The following ADCY4 variants were observed in gnomAD, a reference collection of about 807,000 sequenced individuals.
The protein encoded by ADCY4 is adenylate cyclase 4, also known as adenylate cyclase type 4.
Under a neutral mutation model 125.5 loss-of-function variants are expected in ADCY4, and 111 were observed. The observed-to-expected ratio is 0.88, with a 90% confidence interval of 0.76 to 1.04. The LOEUF (loss-of-function observed/expected upper bound fraction) is 1.04. Ranked by LOEUF, ADCY4 falls within the 50% of genes least tolerant of loss-of-function variation. The pLI is 0.00. For missense variants in ADCY4, 1,256 were observed against 1,382.9 expected (o/e 0.91, Z 1.46); for synonymous variants, 576 against 586.9 (o/e 0.98, Z 0.27).
chr14:24,322,819 G>T, intron 18 of ADCY4, 85 bp downstream of exon 18: 1 of 1,541,562 alleles, frequency 6.5e-7, no homozygotes, highest in Non-Finnish European at 8.8e-7. Context: ...GGTGATTCAG[G>T]TCGGTGAGGC....
intron 3 of ADCY4, 98 bp downstream of exon 3, chr14:24,332,424 C>T (rs756973568): frequency 7.3e-7 from 1 of 1,371,322 alleles, no homozygotes; most frequent in Non-Finnish European, 9.8e-7. Flanking sequence ...CAGCGTTGCA[C>T]CTTGACTTGG....
intron 6 of ADCY4, chr14:24,330,599 G>A (rs1222723039): frequency 2.8e-6 from 1 of 361,332 alleles, no homozygotes; most frequent in Non-Finnish European, 5.1e-6. Flanking sequence ...AGGTTGGGGG[G>A]AATCCAAGAA....
chr14:24,326,095 G>T lies in ADCY4; in HGVS notation c.1639C>A (p.Gln547Lys). ...TCTCCGTACTTCTGCGAGTTGAGCTGCTCAATGACCTGGAAGAACTTGGCA... is the reference window on the plus strand; with the variant it reads ...TCTCCGTACTTCTGCGAGTTGAGCTTCTCAATGACCTGGAAGAACTTGGCA... ...GDAKFFQVIE[Q>K]LNSQKQWKQS... Residue 547 changes from glutamine (Q) to lysine (K), a missense_variant, in exon 12 of 25, where the codon CAG becomes AAG. Gln to Lys is a moderately conservative substitution (Grantham distance 53, BLOSUM62 1). Coordinates refer to ENST00000418030, the MANE Select transcript of ADCY4 (RefSeq NM_001198568.2). The T allele has an allele frequency of 6.3e-7, 1 of 1,583,194 alleles. No homozygotes were observed. The highest frequency in any genetic ancestry group is 1.2e-5 in the South Asian group (1 of 86,792).
At chr14:24,325,127 C>A (rs146160386) in intron 14 of ADCY4, among the ~76,000 whole-genome samples, 75 of 152,042 alleles carry the variant, frequency 4.9e-4, no homozygotes, top group African/African-American at 1.7e-3. Flanking sequence ...AACTGGCCTT[C>A]ATGGGGATGT....
At chr14:24,318,990 G>T in intron 23 of ADCY4, 108 bp downstream of exon 23, 2 of 1,466,164 alleles carry the variant, frequency 1.4e-6, no homozygotes, top group South Asian at 1.2e-5. Flanking sequence ...AGTGAGTCAG[G>T]AAAGGGGCTT....
chr14:24,319,666 G>A lies in ADCY4; in HGVS notation c.2733+76C>T. On this transcript the variant is annotated intron_variant, in intron 21 of 24. Coordinates refer to ENST00000418030, the MANE Select transcript of ADCY4 (RefSeq NM_001198568.2). The surrounding 1 kb of genome is among the most constrained non-coding windows in gnomAD (Gnocchi z 4.5). ...GAGGATTGACTTCATGGCCAGAAAA[G>A]CAAAGTGGAAGGAGGTACTGGTGGA... The A allele has an allele frequency of 6.3e-7, 1 of 1,588,696 alleles. No homozygotes were observed. The highest frequency in any genetic ancestry group is 1.8e-4 in the Middle Eastern group (1 of 5,580).
rs554788170 is a variant in ADCY4 at position 24,325,453 on chromosome 14, C to T, written c.1747G>A (p.Ala583Thr). Residue 583 changes from alanine to threonine, a missense_variant, in exon 14 of 25, where the codon GCC (alanine) becomes ACC (threonine). By Grantham distance (58) the Ala-to-Thr change is moderately conservative (BLOSUM62 0). Coordinates refer to ENST00000418030, the MANE Select transcript of ADCY4 (RefSeq NM_001198568.2). Reference sequence around the variant, plus strand: ...GTGCAGGCTTCATAGTATTTGAAGGCGGGGATTGCAGAGAGTCGGTACTGA... The same window carrying T: ...GTGCAGGCTTCATAGTATTTGAAGGTGGGGATTGCAGAGAGTCGGTACTGA... ...EKEYRLSAIPAFKYYEACTFL... is the reference protein window; with the variant it reads ...EKEYRLSAIPTFKYYEACTFL... 37 of 1,613,620 alleles carry T rather than the reference C, an allele frequency of 2.3e-5. No homozygotes were observed. The highest frequency in any genetic ancestry group is 6.7e-5 in the East Asian group (3 of 44,876).
chr14:24,322,254 G>A (rs778624952), intron 19 of ADCY4, 30 bp from the exon 20 acceptor site: 1 of 1,595,510 alleles, frequency 6.3e-7, no homozygotes, highest in Admixed American at 1.7e-5. Flanking sequence ...GCCATGGGGA[G>A]ACACAGAGCA....
chr14:24,324,614 T>G (rs1471439523), intron 14 of ADCY4, among the ~76,000 whole-genome samples: 2 of 151,336 alleles, frequency 1.3e-5, no homozygotes, highest in African/African-American at 4.8e-5. Context: ...ACCCATATGG[T>G]GGGGAGTGGG....
At chr14:24,325,057 G>A (rs561420231) in intron 14 of ADCY4, among the ~76,000 whole-genome samples, 1 of 152,258 alleles carries the variant, frequency 6.6e-6, no homozygotes, top group African/African-American at 2.4e-5. Flanking sequence ...GACTAGGAAT[G>A]AGGGCCTACT....
At chr14:24,330,576 T>C (rs1594666682) in intron 6 of ADCY4, 1 of 392,388 alleles carries the variant, frequency 2.5e-6, no homozygotes, top group Non-Finnish European at 4.7e-6. Flanking sequence ...GTGGTAGTGG[T>C]CTCAGGATTG....
rs2042103391 is a variant in ADCY4, at chr14:24,334,554, C to T, written c.99G>A (p.Leu33=). Residue 33 remains leucine, a synonymous_variant, in exon 1 of 25, where the codon CTG becomes CTA. Coordinates refer to ENST00000418030, the MANE Select transcript of ADCY4 (RefSeq NM_001198568.2). ...CGAGCGCACAGAGCACGATCCCCAG[C>T]AGCAGCAGCAGCAGCGGGTACTGCT... ...LSQQYPLLLL[L]LGIVLCALAA... The T allele has an allele frequency of 5.7e-6, 9 of 1,580,306 alleles. No individual in the cohort carries two copies. The highest frequency in any genetic ancestry group is 6.9e-6 in the Non-Finnish European group (8 of 1,167,004).
intron 10 of ADCY4, among the ~76,000 whole-genome samples, chr14:24,328,037 A>C (rs558023543): frequency 6.6e-6 from 1 of 152,208 alleles, no homozygotes; most frequent in South Asian, 2.1e-4. Context: ...AGCTGAGGGG[A>C]CATAGTGAGA....
Position 24,331,128 on chromosome 14 carries a change from C to T in ADCY4, c.820G>A (p.Val274Met), listed in dbSNP as rs149986845. ...LYVKRHQGVS[V>M]LYADIVGFTR... ...AAGCCCACGATGTCAGCATACAGCA[C>T]GCTGCATAGGGCAGACTGTGTCAGC... The change falls in exon 6 of 25, where the codon GTG becomes ATG. Residue 274 changes from valine to methionine, a missense_variant and splice_region_variant. Transcript: ENST00000418030. 9.1e-5 allele frequency: 146 copies of T among 1,612,968 alleles called. 1 individual carries two copies. The African/African-American group carries it at 1.5e-3, about 16-fold the overall frequency.
intron 20 of ADCY4, among the ~76,000 whole-genome samples, chr14:24,321,209 G>A (rs1028180156): frequency 1.3e-5 from 2 of 150,466 alleles, no homozygotes; most frequent in Non-Finnish European, 2.9e-5. Context: ...TCAGGAGATC[G>A]AGATCAGCCT....
chr14:24,328,229 G>GGT (rs1328049384), intron 10 of ADCY4, among the ~76,000 whole-genome samples: 1 of 87,130 alleles, frequency 1.1e-5, no homozygotes, highest in African/African-American at 4.1e-5. Context: ...GGGAAAGCGG[G>GGT]GTGGGGGGGG....
intron 2 of ADCY4, 43 bp downstream of exon 2, chr14:24,332,748 A>C (rs1446144535): frequency 6.5e-7 from 1 of 1,537,282 alleles, no homozygotes; most frequent in Admixed American, 2.0e-5. Flanking sequence ...TGAGGGATCG[A>C]AGCCCGGGCC....
rs2041875751 is a variant in ADCY4, at chr14:24,322,819, G to C, written c.2342+85C>G. On this transcript the variant is annotated intron_variant, in intron 18 of 24. Transcript: ENST00000418030. ...CCACTTTGCCCTGTGGGTGATTCAG[G>C]TCGGTGAGGCCAGGACAGCTCTGCT... 3 of 1,541,444 alleles carry C rather than the reference G, an allele frequency of 1.9e-6. No homozygotes were observed. In the South Asian group the frequency reaches 3.6e-5, roughly 18 times the overall value.
Position 24,334,578 on chromosome 14 carries a change from C to T in ADCY4, c.75G>A (p.Gln25=). The T allele has an allele frequency of 1.3e-6, 2 of 1,575,412 alleles. No individual in the cohort carries two copies. The highest frequency in any genetic ancestry group is 8.6e-7 in the Non-Finnish European group (1 of 1,163,382). ...LFYETYYSLS[Q]QYPLLLLLLG... ...GCAGCAGCAGCAGCAGCGGGTACTG[C>T]TGGCTCAGGCTGTAGTAGGTCTCGT... is the stretch of plus-strand genomic sequence containing the variant. Residue 25 remains glutamine, a synonymous_variant, in exon 1 of 25, where the codon CAG becomes CAA. Coordinates refer to ENST00000418030, the MANE Select transcript of ADCY4 (RefSeq NM_001198568.2).
Sources: gnomAD v4.1 joint callset for allele counts (sites outside exome capture counted in the v4.1 genomes callset) on GRCh38, gnomAD v4.1.1 for gene constraint, Gnocchi (gnomAD v3.1) non-coding constraint, MANE v1.5 for transcripts, NCBI Gene and HGNC (gene_info 2026-07-23, HGNC 2026-07-21) for gene names.